FAM193A: variants seen among roughly 807,000 people sequenced by gnomAD.
The protein encoded by FAM193A is protein FAM193A.
Under a neutral mutation model 126.5 loss-of-function variants are expected in FAM193A, and 22 were observed. That is an observed-to-expected ratio of 0.17 (90% CI 0.12 to 0.25). The LOEUF (loss-of-function observed/expected upper bound fraction) is 0.25, where lower values mean the gene tolerates loss of function less well. FAM193A is among the 10% of genes least tolerant of loss of function. The pLI is 1.00. For synonymous variants in FAM193A, 761 were observed against 646.8 expected, an observed-to-expected ratio of 1.18 and a Z score of -2.68; for missense variants, 1,675 against 1,672.8, an observed-to-expected ratio of 1.00 and a Z score of -0.02.
intron 1 of FAM193A, among the ~76,000 whole-genome samples, chr4:2,570,595 T>C (rs1448917311): frequency 6.6e-6 from 1 of 152,138 alleles, no homozygotes; most frequent in African/African-American, 2.4e-5. Flanking sequence ...CCTGCTCTCT[T>C]GACTGGAATA....
rs113022605 is a variant in FAM193A, at chr4:2,651,582, C to T, written c.1311+4750C>T. 3.2e-4 allele frequency among the ~76,000 whole-genome samples: 48 copies of T among 152,242 alleles called. 1 individual carries two copies. Among genetic ancestry groups the T allele is most frequent in the African/African-American group, 9.9e-4 (41 of 41,554 alleles). On this transcript the variant is annotated intron_variant, in intron 7 of 20. Coordinates refer to ENST00000637812, the MANE Select transcript of FAM193A (RefSeq NM_001366318.2). The stretch of plus-strand genomic sequence containing the variant: ...TCATGAGAACAGCATGGGGGAAATC[C>T]GCCCCCATGATCCCATCACCTCCCA...
chr4:2,587,685 C>T (rs1577043527), intron 1 of FAM193A, among the ~76,000 whole-genome samples: 1 of 151,868 alleles, frequency 6.6e-6, no homozygotes, highest in Non-Finnish European at 1.5e-5. Flanking sequence ...CAGAGTGACC[C>T]TGTCTCAAAA....
chr4:2,658,792 C>G (rs1712031225), intron 8 of FAM193A, among the ~76,000 whole-genome samples: 1 of 152,192 alleles, frequency 6.6e-6, no homozygotes, highest in South Asian at 2.1e-4. Flanking sequence ...ACTCTGTCGT[C>G]CAGGCTGAAG....
intron 4 of FAM193A, among the ~76,000 whole-genome samples, chr4:2,628,209 T>C (rs967123453): frequency 1.2e-4 from 19 of 152,240 alleles, no homozygotes; most frequent in Non-Finnish European, 2.2e-4. Flanking sequence ...TGATGTTTGC[T>C]GTGCAGTAGA....
At chr4:2,724,929 G>A (rs1720556068) in intron 20 of FAM193A, among the ~76,000 whole-genome samples, 1 of 152,110 alleles carries the variant, frequency 6.6e-6, no homozygotes, top group African/African-American at 2.4e-5. Flanking sequence ...AGACTGGAGT[G>A]CAATTGGTGC....
intron 1 of FAM193A, among the ~76,000 whole-genome samples, chr4:2,573,803 A>G (rs1384038436): frequency 6.6e-6 from 1 of 152,130 alleles, no homozygotes; most frequent in African/African-American, 2.4e-5. Context: ...TGGTCAGGAA[A>G]GGCCTTGCCA....
intron 1 of FAM193A, among the ~76,000 whole-genome samples, chr4:2,546,685 G>T (rs1360410312): frequency 6.6e-6 from 1 of 152,126 alleles, no homozygotes; most frequent in Admixed American, 6.6e-5. Flanking sequence ...TGGACATTGG[G>T]GTTGTTTTGA....
intron 1 of FAM193A, among the ~76,000 whole-genome samples, chr4:2,539,756 A>G (rs1322121318): frequency 6.6e-6 from 1 of 152,164 alleles, no homozygotes; most frequent in Non-Finnish European, 1.5e-5. Context: ...TCCAAGAAAT[A>G]AAATCCGTTA....
At position 2,657,700 on chromosome 4, in the gene FAM193A, A is replaced by G. The variant is rs971406885; in HGVS notation, c.1312-103A>G. ...TCTGTTTGCAGATGATGTTTCTCTC[A>G]TATATATCATTTTAAGAAAGTCTCC... is the stretch of plus-strand genomic sequence containing the variant. On this transcript the variant is annotated intron_variant, in intron 7 of 20. Coordinates refer to ENST00000637812, the MANE Select transcript of FAM193A (RefSeq NM_001366318.2). 1.3e-5 allele frequency: 9 copies of G among 710,710 alleles called. No homozygotes were observed. The African/African-American group carries it at 1.6e-4, about 13-fold the overall frequency. 44.0% of individuals were successfully genotyped at this position (710,710 alleles called of 1,614,324 possible).
At chr4:2,548,612 G>A (rs995262166) in intron 1 of FAM193A, among the ~76,000 whole-genome samples, 3 of 151,228 alleles carry the variant, frequency 2.0e-5, no homozygotes, top group East Asian at 4.0e-4. Flanking sequence ...ATGTGCCACC[G>A]CGCCTGGCTA....
chr4:2,679,375 C>CT (rs796366785), intron 13 of FAM193A, among the ~76,000 whole-genome samples: 2,375 of 87,700 alleles, frequency 0.027, 40 homozygotes, highest in East Asian at 0.039. Flanking sequence ...AGTTTTCTTT[C>CT]TTTTTTTTTT....
chr4:2,662,081 G>C (rs933483190), intron 10 of FAM193A, among the ~76,000 whole-genome samples: 1 of 152,156 alleles, frequency 6.6e-6, no homozygotes, highest in Non-Finnish European at 1.5e-5. Context: ...TACTCGGGAG[G>C]CTGAGGCAGG....
intron 1 of FAM193A, among the ~76,000 whole-genome samples, chr4:2,566,667 G>A (rs1476794535): frequency 6.6e-6 from 1 of 151,970 alleles, no homozygotes; most frequent in Admixed American, 6.6e-5. Context: ...CAGCCTGGGG[G>A]ACAGAGTGAG....
At chr4:2,560,493 A>G (rs1434106298) in intron 1 of FAM193A, among the ~76,000 whole-genome samples, 1 of 152,164 alleles carries the variant, frequency 6.6e-6, no homozygotes, top group African/African-American at 2.4e-5. Flanking sequence ...TCAGGGAGCC[A>G]GGCCATTTGA....
intron 6 of FAM193A, among the ~76,000 whole-genome samples, chr4:2,640,746 C>T (rs1744533543): frequency 6.6e-6 from 1 of 152,054 alleles, no homozygotes; most frequent in Non-Finnish European, 1.5e-5. Flanking sequence ...AGGCGGATCA[C>T]CTGAGGTCAG....
intron 18 of FAM193A, 118 bp from the exon 19 acceptor site, chr4:2,699,562 C>A (rs1232378359): frequency 2.1e-6 from 2 of 945,176 alleles, no homozygotes; most frequent in Non-Finnish European, 3.1e-6. Flanking sequence ...TTTATTACAG[C>A]CTCTTCAGAG....
intron 1 of FAM193A, among the ~76,000 whole-genome samples, chr4:2,552,440 C>T (rs984627405): frequency 1.3e-5 from 2 of 152,116 alleles, no homozygotes; most frequent in Non-Finnish European, 2.9e-5. Context: ...CGTGAGCCAC[C>T]GTGCCTGGGC....
chr4:2,577,546 G>C (rs1172704889), intron 1 of FAM193A, among the ~76,000 whole-genome samples: 1 of 151,112 alleles, frequency 6.6e-6, no homozygotes, highest in Non-Finnish European at 1.5e-5. Flanking sequence ...AGCCTCCTGA[G>C]TAGCTGCAAT....
At position 2,606,018 on chromosome 4, in the gene FAM193A, G is replaced by A. The variant is rs370570765; in HGVS notation, c.501+9689G>A. ...AAAAAATGGTTTAGTAAGTAGAGTG[G>A]CCGTGTTTTGTATATTTTGCAAACC... On this transcript the variant is annotated intron_variant, in intron 2 of 20. Transcript: ENST00000637812. Among the ~76,000 whole-genome samples the A allele has an allele frequency of 2.1e-5, 3 of 144,548 alleles. 1 individual carries two copies. Among genetic ancestry groups the A allele is most frequent in the East Asian group, 2.0e-4 (1 of 4,996 alleles). 94.8% of individuals were successfully genotyped at this position (144,548 alleles called of 152,430 possible).
Sources: allele counts gnomAD v4.1 joint callset (sites outside exome capture counted in the v4.1 genomes callset), GRCh38; gene constraint gnomAD v4.1.1; transcripts MANE v1.5; gene names NCBI Gene and HGNC (gene_info 2026-07-23, HGNC 2026-07-21).